Variants in IL1RAPL1 observed in about 807,000 individuals in gnomAD.
IL1RAPL1 encodes the protein interleukin-1 receptor accessory protein-like 1.
Under a neutral mutation model 48.4 loss-of-function variants are expected in IL1RAPL1, and 3 were observed. The observed-to-expected ratio is 0.06, with a 90% confidence interval of 0.03 to 0.16. The LOEUF is 0.16. IL1RAPL1 is among the 10% of genes least tolerant of loss of function. The probability of loss-of-function intolerance (pLI) is 1.00; values close to 1 mark genes in which losing one functional copy is unlikely to be tolerated. For missense variants in IL1RAPL1, 349 were observed against 530.6 expected (o/e 0.66, Z 3.36); for synonymous variants, 185 against 187.7 (o/e 0.99, Z 0.12).
At chrX:29,241,241 C>T (rs1454367094) in intron 2 of IL1RAPL1, among the ~76,000 whole-genome samples, 2 of 111,675 alleles carry the variant, frequency 1.8e-5, no homozygotes, top group Non-Finnish European at 3.8e-5. Context: ...TTTGGTAACT[C>T]CCTTTCGGGC....
intron 6 of IL1RAPL1, among the ~76,000 whole-genome samples, chrX:29,679,463 G>A (rs1926384237): frequency 9.0e-6 from 1 of 111,205 alleles, no homozygotes; most frequent in South Asian, 3.7e-4. Context: ...CTAGTTTTAT[G>A]CACTCTGCTT....
chrX:29,775,035 G>C (rs1406770888), intron 6 of IL1RAPL1, among the ~76,000 whole-genome samples: 1 of 111,884 alleles, frequency 8.9e-6, no homozygotes, highest in East Asian at 2.8e-4. Flanking sequence ...TTCATGTCTT[G>C]AGCATGTTGC....
At chrX:29,822,654 C>A (rs963401418) in intron 6 of IL1RAPL1, among the ~76,000 whole-genome samples, 2 of 111,361 alleles carry the variant, frequency 1.8e-5, no homozygotes, top group African/African-American at 6.5e-5. Context: ...TCAGTACCAA[C>A]AGGATGCTGA....
chrX:29,918,505 C>CAAA (rs1186602092), intron 7 of IL1RAPL1, among the ~76,000 whole-genome samples: 6 of 38,091 alleles, frequency 1.6e-4, no homozygotes, highest in Non-Finnish European at 3.1e-4. Flanking sequence ...AACTCTGTCT[C>CAAA]AAAAAAAAAA....
At chrX:28,887,499 G>A (rs935031532) in intron 2 of IL1RAPL1, among the ~76,000 whole-genome samples, 4 of 112,081 alleles carry the variant, frequency 3.6e-5, no homozygotes, top group East Asian at 2.8e-4. Flanking sequence ...CCAAAGCAGC[G>A]AAATCCCCTC....
chrX:29,676,621 AG>A (rs893369114), intron 6 of IL1RAPL1, among the ~76,000 whole-genome samples: 8 of 111,956 alleles, frequency 7.1e-5, no homozygotes, highest in African/African-American at 9.7e-5. Flanking sequence ...TCTTATTTAA[AG>A]AAAATGATAA....
chrX:28,725,919 T>C (rs754433352), intron 1 of IL1RAPL1, among the ~76,000 whole-genome samples: 2 of 112,482 alleles, frequency 1.8e-5, no homozygotes, highest in East Asian at 5.6e-4. Flanking sequence ...AAAAGCATCA[T>C]GTACTTAAAT....
At chrX:29,217,297 A>G (rs1168993324) in intron 2 of IL1RAPL1, among the ~76,000 whole-genome samples, 1 of 112,330 alleles carries the variant, frequency 8.9e-6, no homozygotes, top group Non-Finnish European at 1.9e-5. Context: ...TTTGAAAATC[A>G]CTGCCTTAGA....
intron 2 of IL1RAPL1, among the ~76,000 whole-genome samples, chrX:28,928,025 C>T (rs1183850750): frequency 2.7e-5 from 3 of 110,814 alleles, no homozygotes; most frequent in African/African-American, 3.3e-5. Flanking sequence ...CATGGGAGTA[C>T]GTATCTAATA....
At chrX:29,105,706 TG>T (rs1434582565) in intron 2 of IL1RAPL1, among the ~76,000 whole-genome samples, 1 of 111,605 alleles carries the variant, frequency 9.0e-6, no homozygotes, top group East Asian at 2.8e-4. Flanking sequence ...CAATTGTAAA[TG>T]TGTAATCTCA....
At chrX:29,321,905 T>C (rs1932806063) in intron 3 of IL1RAPL1, among the ~76,000 whole-genome samples, 1 of 111,796 alleles carries the variant, frequency 8.9e-6, no homozygotes, top group Non-Finnish European at 1.9e-5. Flanking sequence ...CTAATTTTTT[T>C]AATTAAATAA....
intron 6 of IL1RAPL1, among the ~76,000 whole-genome samples, chrX:29,721,742 TACTC>T (rs971415598): frequency 5.4e-5 from 6 of 111,876 alleles, no homozygotes; most frequent in African/African-American, 9.7e-5. Context: ...CATATGCACA[TACTC>T]ACGGTATGAT....
chrX:28,747,385 C>T (rs763114261), intron 1 of IL1RAPL1, among the ~76,000 whole-genome samples: 1 of 111,509 alleles, frequency 9.0e-6, no homozygotes, highest in East Asian at 2.8e-4. Flanking sequence ...CCTGTAATCC[C>T]AACACTTTAG....
At chrX:28,898,197 T>A (rs1922981603) in intron 2 of IL1RAPL1, among the ~76,000 whole-genome samples, 1 of 112,038 alleles carries the variant, frequency 8.9e-6, no homozygotes, top group African/African-American at 3.2e-5. Context: ...GATTTGAAAG[T>A]ATTTTTTCTC....
chrX:29,609,100 T>C (rs1437791697), intron 5 of IL1RAPL1, among the ~76,000 whole-genome samples: 1 of 112,000 alleles, frequency 8.9e-6, no homozygotes, highest in African/African-American at 3.2e-5. Context: ...TAAACCTCTC[T>C]CTCCATACCA....
chrX:29,531,555 G>T (rs758817527), intron 5 of IL1RAPL1, among the ~76,000 whole-genome samples: 27 of 111,617 alleles, frequency 2.4e-4, no homozygotes, highest in Admixed American at 1.0e-3. Context: ...GAATGAAACC[G>T]AACGCAGAGT....
At chrX:29,215,983 C>T (rs770215011) in intron 2 of IL1RAPL1, among the ~76,000 whole-genome samples, 4 of 110,702 alleles carry the variant, frequency 3.6e-5, no homozygotes, top group African/African-American at 1.3e-4. Context: ...TCCTTCCATC[C>T]GCAAAGTTGG....
intron 2 of IL1RAPL1, among the ~76,000 whole-genome samples, chrX:28,892,711 C>T (rs1422636050): frequency 2.7e-5 from 3 of 110,251 alleles, no homozygotes; most frequent in African/African-American, 9.9e-5. Flanking sequence ...TTAGGGGCGG[C>T]GTGGGAACCT....
chrX:29,241,130 A>C (rs1931414978), intron 2 of IL1RAPL1, among the ~76,000 whole-genome samples: 3 of 112,088 alleles, frequency 2.7e-5, no homozygotes, highest in African/African-American at 6.5e-5. Context: ...GAGTTGCAAT[A>C]GTTTGGATGA....
Sources: allele counts gnomAD v4.1 joint callset (sites outside exome capture counted in the v4.1 genomes callset), GRCh38; gene constraint gnomAD v4.1.1; transcripts MANE v1.5; gene names NCBI Gene and HGNC (gene_info 2026-07-23, HGNC 2026-07-21).